The following ARHGEF4 variants were observed in gnomAD, a reference collection of about 807,000 sequenced individuals.
The protein encoded by ARHGEF4 is APC-stimulated guanine nucleotide exchange factor 1.
Under a neutral mutation model 162.0 loss-of-function variants are expected in ARHGEF4, and 119 were observed. The ratio of observed to expected loss-of-function variants is 0.73; its 90% confidence interval spans 0.63 to 0.86. ARHGEF4 has a LOEUF of 0.86. Among genes scored for constraint, ARHGEF4 ranks in the 40% least tolerant of loss-of-function variants. The pLI is 0.00. For synonymous variants in ARHGEF4, 1,014 were observed against 979.9 expected, an observed-to-expected ratio of 1.03 and a Z score of -0.65; for missense variants, 2,488 against 2,456.0, an observed-to-expected ratio of 1.01 and a Z score of -0.28.
rs530923459 is a variant in ARHGEF4 at position 130,876,584 on chromosome 2, G to A, written c.40-37402G>A. 1.4e-4 allele frequency among the ~76,000 whole-genome samples: 22 copies of A among 152,208 alleles called. No homozygotes were observed. The South Asian group carries it at 4.4e-3, about 30-fold the overall frequency. ...TTTTTTTGTATTTTTAGTAGAGACG[G>A]GGTTTCACCATGTTAGCCAGGATGG... On this transcript the variant is annotated intron_variant, in intron 1 of 13. Coordinates refer to ENST00000409359, the MANE Select transcript of ARHGEF4 (RefSeq NM_001367493.1).
At chr2:130,937,963 G>A (rs774174344) in intron 3 of ARHGEF4, among the ~76,000 whole-genome samples, 2 of 152,070 alleles carry the variant, frequency 1.3e-5, no homozygotes, top group East Asian at 1.9e-4. Flanking sequence ...CACTGCACCC[G>A]GCCTTTGTAT....
At chr2:130,877,065 G>A (rs1031537562) in intron 1 of ARHGEF4, among the ~76,000 whole-genome samples, 1 of 152,152 alleles carries the variant, frequency 6.6e-6, no homozygotes, top group Admixed American at 6.5e-5. Flanking sequence ...CCTCCATGGT[G>A]GCGATGGGGT....
At position 131,044,595 on chromosome 2, in the gene ARHGEF4, C is replaced by T. The variant is rs371888426; in HGVS notation, c.5401+53C>T. 2.9e-4 allele frequency: 447 copies of T among 1,521,706 alleles called. 1 individual carries two copies. The East Asian group carries it at 6.9e-3, about 24-fold the overall frequency. The allele number at this position is 1,521,706 out of a possible 1,614,324, so 94.3% of individuals were successfully genotyped here. A position where few individuals can be genotyped will look rare whatever the true frequency, so the allele number is the denominator to read the frequency against. On this transcript the variant is annotated intron_variant, in intron 12 of 13. Transcript: ENST00000409359. ...GCCCCCAGGGCCCACCCGGCGCTCC[C>T]GCCTGCCTGGCCGCCTGCCGGTCAG... is the stretch of plus-strand genomic sequence containing the variant.
chr2:130,867,014 A>T (rs1278304486), intron 1 of ARHGEF4, among the ~76,000 whole-genome samples: 1 of 152,138 alleles, frequency 6.6e-6, no homozygotes, highest in East Asian at 1.9e-4. Flanking sequence ...CAGTTTTTGA[A>T]TGCTAATTAT....
chr2:130,868,238 C>G (rs1682441819), intron 1 of ARHGEF4, among the ~76,000 whole-genome samples: 1 of 151,976 alleles, frequency 6.6e-6, no homozygotes, highest in Admixed American at 6.6e-5. Flanking sequence ...GGTGGATGTG[C>G]TTTTACTGCA....
At chr2:130,942,483 A>G (rs1683370019) in intron 3 of ARHGEF4, among the ~76,000 whole-genome samples, 1 of 152,180 alleles carries the variant, frequency 6.6e-6, no homozygotes, top group Non-Finnish European at 1.5e-5. Context: ...AACTACTCAG[A>G]TATACATAAA....
intron 4 of ARHGEF4, among the ~76,000 whole-genome samples, chr2:130,962,011 C>A (rs547930951): frequency 6.6e-6 from 1 of 152,044 alleles, no homozygotes; most frequent in Non-Finnish European, 1.5e-5. Context: ...GAGGCCGAGG[C>A]GGGCGGATCA....
At chr2:130,926,074 C>CTTTCTTTCTTTCTTTCTTTCTTTA (rs1682266515) in intron 2 of ARHGEF4, among the ~76,000 whole-genome samples, 1 of 127,130 alleles carries the variant, frequency 7.9e-6, no homozygotes, top group African/African-American at 3.4e-5. Context: ...TTCTTTCTTT[C>CTTTCTTTCTTTCTTTCTTTCTTTA]TTTGGTCTGT....
Position 130,917,232 on chromosome 2 carries a change from A to C in ARHGEF4, c.3286A>C (p.Ser1096Arg). The C allele has an allele frequency of 6.4e-7, 1 of 1,550,510 alleles. No homozygotes were observed. The highest frequency in any genetic ancestry group is 2.4e-5 in the East Asian group (1 of 40,888). ...CAGACCCACGAGCCCCAAGCCCCTG[A>C]GTCCCAGGCCTAGTGCTCAGCGGAT... ...PCRPTSPKPL[S>R]PRPSAQRMGL... The change falls in exon 2 of 14, where the codon AGT (serine) becomes CGT (arginine). Residue 1096 changes from serine (S) to arginine (R), a missense_variant. This residue lies in a region of ARHGEF4 where 1,642 missense variants were observed against 1,481.5 expected (regional missense o/e 1.11). Coordinates refer to ENST00000409359, the MANE Select transcript of ARHGEF4 (RefSeq NM_001367493.1).
intron 4 of ARHGEF4, among the ~76,000 whole-genome samples, chr2:130,989,048 A>G (rs75296994): frequency 0.026 from 3,911 of 151,672 alleles, 158 homozygotes; most frequent in East Asian, 0.21. Context: ...TGCAACCTCC[A>G]CCTCCTGGGT....
In ARHGEF4 at chr2:131,039,999, C is replaced by T. The variant is rs377353324; in HGVS notation, c.4306-17C>T. ...CCGAGGGATGCGGGGCACTGACCGG[C>T]CACGCATGGCCTGCAGCTGAGGGTG... On this transcript the variant is annotated splice_polypyrimidine_tract_variant and intron_variant, in intron 6 of 13. Coordinates refer to ENST00000409359, the MANE Select transcript of ARHGEF4 (RefSeq NM_001367493.1). 9.7e-6 allele frequency: 15 copies of T among 1,550,250 alleles called. No individual in the cohort carries two copies. In the African/African-American group the frequency reaches 1.9e-4, roughly 20 times the overall value.
rs1412116200 is a variant in ARHGEF4, at chr2:130,915,701, T to C, written c.1755T>C (p.Gly585=). ...DPNYREQALQ[G]LSEFKAATVS... ...ACTACAGGGAACAGGCTTTGCAAGG[T>C]CTTTCAGAATTCAAGGCAGCCACGG... Residue 585 remains glycine (G), a synonymous_variant, in exon 2 of 14, where the codon GGT becomes GGC. Coordinates refer to ENST00000409359, the MANE Select transcript of ARHGEF4 (RefSeq NM_001367493.1). The C allele has an allele frequency of 6.5e-7, 1 of 1,549,978 alleles. No homozygotes were observed. The highest frequency in any genetic ancestry group is 2.0e-5 in the Admixed American group (1 of 50,948).
At chr2:131,035,846 CA>C in intron 5 of ARHGEF4, 1 of 985,350 alleles carries the variant, frequency 1.0e-6, no homozygotes, top group Non-Finnish European at 1.2e-6. Flanking sequence ...GGTAGGTGGG[CA>C]GGGTGGGGAG....
At chr2:130,953,736 G>A (rs1286084656) in intron 4 of ARHGEF4, among the ~76,000 whole-genome samples, 1 of 152,118 alleles carries the variant, frequency 6.6e-6, no homozygotes, top group African/African-American at 2.4e-5. Context: ...TCAAAAAGTG[G>A]GCAAAGGATA....
chr2:130,956,786 G>C (rs911957002), intron 4 of ARHGEF4, among the ~76,000 whole-genome samples: 14 of 139,394 alleles, frequency 1.0e-4, no homozygotes, highest in Admixed American at 6.9e-4. Flanking sequence ...CATGGACACA[G>C]GAAGGGGAAC....
chr2:130,902,599 TGAAAG>T (rs1450666479), intron 1 of ARHGEF4, among the ~76,000 whole-genome samples: 5 of 131,356 alleles, frequency 3.8e-5, no homozygotes, highest in African/African-American at 1.7e-4. Flanking sequence ...ATCTCAAAAA[TGAAAG>T]GAAAGAAAAG....
At chr2:130,903,156 AT>A (rs1412530491) in intron 1 of ARHGEF4, among the ~76,000 whole-genome samples, 2 of 147,808 alleles carry the variant, frequency 1.4e-5, no homozygotes. Context: ...TTCATTTAGA[AT>A]TTTTATGGTG....
intron 4 of ARHGEF4, among the ~76,000 whole-genome samples, chr2:130,981,657 CAAA>C (rs1293791852): frequency 1.7e-4 from 13 of 74,620 alleles, no homozygotes; most frequent in African/African-American, 4.1e-4. Flanking sequence ...GACTCCATCT[CAAA>C]AAAAAAAAAA....
intron 1 of ARHGEF4, among the ~76,000 whole-genome samples, chr2:130,856,039 G>A (rs1320894408): frequency 1.3e-5 from 2 of 152,194 alleles, no homozygotes; most frequent in Non-Finnish European, 2.9e-5. Flanking sequence ...TCTTTTTGAA[G>A]GGGTGTCATT....
Sources: gnomAD v4.1 joint callset for allele counts (sites outside exome capture counted in the v4.1 genomes callset) on GRCh38, gnomAD v4.1.1 for gene constraint, gnomAD v4.1.1 regional missense constraint, MANE v1.5 for transcripts, NCBI Gene and HGNC (gene_info 2026-07-23, HGNC 2026-07-21) for gene names.